The following NYAP2 variants were observed in gnomAD, a reference collection of about 807,000 sequenced individuals.
NYAP2 encodes the protein neuronal tyrosine-phosphorylated phosphoinositide-3-kinase adapter 2.
NYAP2 carries 23 observed loss-of-function variants against 50.4 expected under a neutral mutation model. That is an observed-to-expected ratio of 0.46 (90% CI 0.33 to 0.65). The LOEUF (loss-of-function observed/expected upper bound fraction) is 0.65, where lower values mean the gene tolerates loss of function less well. NYAP2 is among the 30% of genes least tolerant of loss of function. The pLI, the probability that NYAP2 is intolerant of heterozygous loss-of-function variation, is 0.02. For missense variants in NYAP2, 885 were observed against 861.0 expected (o/e 1.03, Z -0.35); for synonymous variants, 394 against 365.2 (o/e 1.08, Z -0.90).
At chr2:225,677,598 T>C in the NYAP2 span, among the ~76,000 whole-genome samples, 1 of 152,184 alleles carries the variant, frequency 6.6e-6, no homozygotes, top group African/African-American at 2.4e-5. Flanking sequence ...ATGCTTAATC[T>C]GTTGAGGATT....
At chr2:225,691,919 G>A in the NYAP2 span, among the ~76,000 whole-genome samples, 7,135 of 152,144 alleles carry the variant, frequency 0.047, 279 homozygotes, top group East Asian at 0.17. Flanking sequence ...TCACACAACC[G>A]GCAATGCAGG....
intron 4 of NYAP2, among the ~76,000 whole-genome samples, chr2:225,538,130 G>A (rs1402107691): frequency 6.6e-6 from 1 of 152,220 alleles, no homozygotes; most frequent in African/African-American, 2.4e-5. Context: ...CTGGCGTTTA[G>A]TGTCTGCAGT....
chr2:225,672,849 C>T, the NYAP2 span, among the ~76,000 whole-genome samples: 38 of 152,028 alleles, frequency 2.5e-4, no homozygotes, highest in East Asian at 7.4e-3. Flanking sequence ...AGTGAGAACA[C>T]GTAAAGCACT....
At chr2:225,657,907 A>G (rs1693853632), downstream of NYAP2, among the ~76,000 whole-genome samples, 1 of 152,186 alleles carries the variant, frequency 6.6e-6, no homozygotes. Flanking sequence ...AGCATGTGCC[A>G]CCCTCACTCT....
chr2:225,549,603 A>G (rs1353593607), intron 4 of NYAP2, among the ~76,000 whole-genome samples: 3 of 152,194 alleles, frequency 2.0e-5, no homozygotes, highest in African/African-American at 7.2e-5. Context: ...AGAGAAAAAA[A>G]TTTGATTGTC....
chr2:225,456,405 G>A (rs1474721536), intron 3 of NYAP2, among the ~76,000 whole-genome samples: 1 of 152,168 alleles, frequency 6.6e-6, no homozygotes, highest in Non-Finnish European at 1.5e-5. Flanking sequence ...CTCTGTCTCT[G>A]CCTTGGCCTC....
At position 225,533,445 on chromosome 2, in the gene NYAP2, G is replaced by A. The variant is rs377247128; in HGVS notation, c.523+19773G>A. Among the ~76,000 whole-genome samples, 107 of 152,300 alleles carry A rather than the reference G, an allele frequency of 7.0e-4. 3 individuals are homozygous for A. In the South Asian group the frequency reaches 0.021, roughly 30 times the overall value. ...CTCATGCCTATAATCCCAGCACTTT[G>A]GAAGGCTAAGGCGGGTGGAGTGCTT... On this transcript the variant is annotated intron_variant, in intron 4 of 6. Transcript: ENST00000636099.
intron 3 of NYAP2, among the ~76,000 whole-genome samples, chr2:225,437,295 A>G (rs1264046048): frequency 6.6e-6 from 1 of 152,144 alleles, no homozygotes; most frequent in Non-Finnish European, 1.5e-5. Context: ...TCAGTATATG[A>G]CAGTTGTGAA....
intron 3 of NYAP2, among the ~76,000 whole-genome samples, chr2:225,427,677 C>T (rs971776576): frequency 8.5e-5 from 13 of 152,190 alleles, no homozygotes; most frequent in African/African-American, 3.1e-4. Flanking sequence ...TTTTGGTCTA[C>T]TAGCATTCTT....
At chr2:225,683,126 T>C in the NYAP2 span, among the ~76,000 whole-genome samples, 1 of 152,184 alleles carries the variant, frequency 6.6e-6, no homozygotes, top group Non-Finnish European at 1.5e-5. Context: ...CTATCGTGGC[T>C]TGTGAACTGG....
intron 4 of NYAP2, among the ~76,000 whole-genome samples, chr2:225,567,836 A>C (rs1466248546): frequency 6.6e-6 from 1 of 152,172 alleles, no homozygotes; most frequent in African/African-American, 2.4e-5. Context: ...GCCAAGGGGA[A>C]AAAGGATGGA....
intron 3 of NYAP2, among the ~76,000 whole-genome samples, chr2:225,500,432 G>T (rs533941819): frequency 1.1e-4 from 17 of 152,288 alleles, no homozygotes; most frequent in African/African-American, 3.8e-4. Context: ...AGGATTTCTG[G>T]ATCTGTCTGA....
chr2:225,426,153 A>ATTTT (rs1559176519), intron 3 of NYAP2, among the ~76,000 whole-genome samples: 300 of 150,374 alleles, frequency 2.0e-3, no homozygotes, highest in African/African-American at 7.0e-3. Flanking sequence ...TTTTTTTTTA[A>ATTTT]AAATTCTACT....
chr2:225,436,571 G>T (rs1029662435), intron 3 of NYAP2, among the ~76,000 whole-genome samples: 1 of 151,788 alleles, frequency 6.6e-6, no homozygotes, highest in African/African-American at 2.4e-5. Context: ...TAATTATATT[G>T]CAATGACCTT....
chr2:225,597,106 GT>G (rs1390612606), intron 5 of NYAP2, among the ~76,000 whole-genome samples: 5 of 151,974 alleles, frequency 3.3e-5, no homozygotes, highest in African/African-American at 1.2e-4. Context: ...ATGTCCTGGG[GT>G]TAAAAAAATA....
intron 5 of NYAP2, among the ~76,000 whole-genome samples, chr2:225,595,940 C>G (rs1201705617): frequency 6.6e-6 from 1 of 152,192 alleles, no homozygotes; most frequent in African/African-American, 2.4e-5. Flanking sequence ...TAATTGGGCT[C>G]TGGTTCTAGC....
chr2:225,469,442 G>A lies in NYAP2; in HGVS notation c.222-43929G>A, dbSNP rs145543424. On this transcript the variant is annotated intron_variant, in intron 3 of 6. Coordinates refer to ENST00000636099, the Ensembl canonical transcript of NYAP2. ...TTAGTTCATTGTGGAAGATAATGTGGCAATTCCTCAAGGATCTAGAACCAG... is the reference window on the plus strand; with the variant it reads ...TTAGTTCATTGTGGAAGATAATGTGACAATTCCTCAAGGATCTAGAACCAG... Among the ~76,000 whole-genome samples, 17 of 152,260 alleles carry A rather than the reference G, an allele frequency of 1.1e-4. No homozygotes were observed. The East Asian group carries it at 3.1e-3, about 28-fold the overall frequency.
chr2:225,398,167 G>A (rs1694802354), upstream of NYAP2, among the ~76,000 whole-genome samples: 1 of 151,878 alleles, frequency 6.6e-6, no homozygotes, highest in Non-Finnish European at 1.5e-5. Context: ...GAAATCAAGG[G>A]GACTGAGAAC....
the NYAP2 span, among the ~76,000 whole-genome samples, chr2:225,696,439 A>C: frequency 5.9e-5 from 9 of 151,968 alleles, no homozygotes; most frequent in East Asian, 7.7e-4. Flanking sequence ...TCATTATCCT[A>C]TTTAAACCTC....
Sources: allele counts gnomAD v4.1 joint callset (sites outside exome capture counted in the v4.1 genomes callset), GRCh38; gene constraint gnomAD v4.1.1; transcripts MANE v1.5; gene names NCBI Gene and HGNC (gene_info 2026-07-23, HGNC 2026-07-21).